PPP2R5E: variants seen among roughly 807,000 people sequenced by gnomAD.
The protein encoded by PPP2R5E is protein phosphatase 2 regulatory subunit B'epsilon.
PPP2R5E carries 4 observed loss-of-function variants against 65.3 expected under a neutral mutation model. The observed-to-expected ratio is 0.06, with a 90% CI of 0.03 to 0.14. The LOEUF (loss-of-function observed/expected upper bound fraction) is 0.14. Ranked by LOEUF, PPP2R5E falls within the 10% of genes least tolerant of loss-of-function variation. The pLI is 1.00. For synonymous variants in PPP2R5E, 183 were observed against 187.4 expected (o/e 0.98, Z 0.19); for missense variants, 274 against 556.1 (o/e 0.49, Z 5.10).
intron 2 of PPP2R5E, among the ~76,000 whole-genome samples, chr14:63,497,454 T>TA (rs1891624279): frequency 6.6e-6 from 1 of 152,082 alleles, no homozygotes; most frequent in African/African-American, 2.4e-5. Context: ...TAAATGAGTA[T>TA]AAAAACACAT....
intron 3 of PPP2R5E, chr14:63,452,489 T>C (rs183560912): frequency 9.8e-5 from 15 of 152,332 alleles, no homozygotes; most frequent in South Asian, 4.1e-4. Flanking sequence ...CTACCAAAAA[T>C]GTCTCTAGAC....
chr14:63,541,769 T>G (rs184119273), intron 1 of PPP2R5E, among the ~76,000 whole-genome samples: 1 of 152,150 alleles, frequency 6.6e-6, no homozygotes, highest in Non-Finnish European at 1.5e-5. Flanking sequence ...TTAAAACACA[T>G]GCACACATAT....
At chr14:63,502,164 G>T (rs902878912) in intron 2 of PPP2R5E, among the ~76,000 whole-genome samples, 1 of 152,108 alleles carries the variant, frequency 6.6e-6, no homozygotes, top group Non-Finnish European at 1.5e-5. Flanking sequence ...CAAAGTGGTG[G>T]GATTACAGAT....
chr14:63,430,500 C>T (rs995789692), intron 3 of PPP2R5E, among the ~76,000 whole-genome samples: 31 of 151,902 alleles, frequency 2.0e-4, no homozygotes, highest in Admixed American at 1.2e-3. Context: ...TAAATAATAA[C>T]ATATATAACG....
chr14:63,481,648 GT>G lies in PPP2R5E; in HGVS notation c.158-27764del, dbSNP rs528031905. Among the ~76,000 whole-genome samples the G allele has an allele frequency of 1.3e-3, 195 of 152,042 alleles. 1 individual carries two copies. The highest frequency in any genetic ancestry group is 4.5e-3 in the African/African-American group (186 of 41,464). On this transcript the variant is annotated intron_variant, in intron 2 of 13. Transcript: ENST00000337537. ...ATACATTTCCAATAACTATTTAATA[GT>G]TTTAACAATCATTTATCAAAATGTA... is the stretch of plus-strand genomic sequence containing the variant.
intron 3 of PPP2R5E, among the ~76,000 whole-genome samples, chr14:63,429,262 T>C (rs1311740855): frequency 6.6e-6 from 1 of 152,166 alleles, no homozygotes; most frequent in Non-Finnish European, 1.5e-5. Context: ...AAAGATATTT[T>C]CCCCCTTTCA....
At chr14:63,480,091 C>A (rs1890618259) in intron 2 of PPP2R5E, among the ~76,000 whole-genome samples, 1 of 152,110 alleles carries the variant, frequency 6.6e-6, no homozygotes, top group Non-Finnish European at 1.5e-5. Context: ...AATTACCAAC[C>A]TTTTACCAAT....
chr14:63,505,403 C>A (rs1356388461), intron 2 of PPP2R5E, among the ~76,000 whole-genome samples: 1 of 152,082 alleles, frequency 6.6e-6, no homozygotes, highest in African/African-American at 2.4e-5. Flanking sequence ...TGGTAATGAC[C>A]ACTTTAAAAT....
intron 11 of PPP2R5E, among the ~76,000 whole-genome samples, chr14:63,385,673 C>T (rs1884620726): frequency 6.6e-6 from 1 of 152,014 alleles, no homozygotes; most frequent in Admixed American, 6.5e-5. Context: ...TCCTTACCAC[C>T]ATCCCAGAAG....
At chr14:63,391,394 A>C (rs1292258038) in intron 10 of PPP2R5E, among the ~76,000 whole-genome samples, 2 of 148,992 alleles carry the variant, frequency 1.3e-5, no homozygotes, top group African/African-American at 2.5e-5. Flanking sequence ...GAGATGATGC[A>C]GTTTTGCTTT....
chr14:63,462,101 C>T (rs1002767668), intron 2 of PPP2R5E, among the ~76,000 whole-genome samples: 8 of 149,058 alleles, frequency 5.4e-5, no homozygotes, highest in East Asian at 1.9e-4. Context: ...GACGGAGTCT[C>T]GCTCTGTTGC....
intron 2 of PPP2R5E, among the ~76,000 whole-genome samples, chr14:63,503,469 T>C (rs187027195): frequency 5.3e-5 from 8 of 152,204 alleles, no homozygotes; most frequent in South Asian, 2.1e-4. Flanking sequence ...AGGTAAAAGA[T>C]AGCAAATCAA....
At chr14:63,484,332 CTT>C (rs1019568890) in intron 2 of PPP2R5E, among the ~76,000 whole-genome samples, 1 of 142,542 alleles carries the variant, frequency 7.0e-6, no homozygotes, top group African/African-American at 2.8e-5. Flanking sequence ...CTTTCTTTCT[CTT>C]TCTCTCTCTC....
intron 2 of PPP2R5E, among the ~76,000 whole-genome samples, chr14:63,465,021 T>C (rs1266130521): frequency 7.6e-6 from 1 of 131,974 alleles, no homozygotes; most frequent in Non-Finnish European, 1.5e-5. Flanking sequence ...AGACTCTGTC[T>C]CAAGAAGAAG....
Position 63,371,515 on chromosome 14 carries a change from C to T in PPP2R5E, c.*4494G>A, listed in dbSNP as rs1267945422. ...AAAGCAAATCATTTCCAAAGAAAAA[C>T]ATTTTAAATTCCAAGTGTTTAAGAC... is the stretch of plus-strand genomic sequence containing the variant. On this transcript the variant is annotated 3_prime_UTR_variant, in exon 14 of 14. Coordinates refer to ENST00000337537, the MANE Select transcript of PPP2R5E (RefSeq NM_006246.5). 6 of 152,156 alleles carry T rather than the reference C, an allele frequency of 3.9e-5. No individual in the cohort carries two copies. The highest frequency in any genetic ancestry group is 8.8e-5 in the Non-Finnish European group (6 of 68,000). 9.4% of individuals were successfully genotyped at this position (152,156 alleles called of 1,614,324 possible).
chr14:63,493,222 T>TA (rs1891369598), intron 2 of PPP2R5E, among the ~76,000 whole-genome samples: 1 of 151,636 alleles, frequency 6.6e-6, no homozygotes, highest in Non-Finnish European at 1.5e-5. Context: ...TTTTTTTTTT[T>TA]AACCCCAAAC....
intron 5 of PPP2R5E, among the ~76,000 whole-genome samples, chr14:63,403,591 G>C (rs912523908): frequency 2.7e-5 from 4 of 150,720 alleles, no homozygotes; most frequent in Admixed American, 6.6e-5. Flanking sequence ...GGCCCAGAGT[G>C]CCAATTAGAG....
intron 2 of PPP2R5E, among the ~76,000 whole-genome samples, chr14:63,490,072 A>G (rs899682346): frequency 2.0e-5 from 3 of 152,168 alleles, no homozygotes; most frequent in Non-Finnish European, 2.9e-5. Context: ...CCTCTAGCTA[A>G]TAAGTAGTAA....
intron 5 of PPP2R5E, among the ~76,000 whole-genome samples, chr14:63,399,588 A>C (rs1031063056): frequency 1.3e-5 from 2 of 151,990 alleles, no homozygotes; most frequent in Non-Finnish European, 2.9e-5. Context: ...TAAACATACT[A>C]AAAACCACTA....
Sources: allele counts gnomAD v4.1 joint callset (sites outside exome capture counted in the v4.1 genomes callset), GRCh38; gene constraint gnomAD v4.1.1; transcripts MANE v1.5; gene names NCBI Gene and HGNC (gene_info 2026-07-23, HGNC 2026-07-21).